XKR4: variants seen among roughly 807,000 people sequenced by gnomAD.
The protein encoded by XKR4 is XK related 4, also known as XK-related protein 4.
XKR4 carries 12 observed loss-of-function variants against 53.9 expected under a neutral mutation model. The ratio of observed to expected loss-of-function variants is 0.22; its 90% CI spans 0.14 to 0.36. The LOEUF is 0.36. Ranked by LOEUF, XKR4 falls within the 10% of genes least tolerant of loss-of-function variation. XKR4 has a pLI of 1.00. For missense variants in XKR4, 799 were observed against 859.5 expected (o/e 0.93, Z 0.88); for synonymous variants, 354 against 362.4 (o/e 0.98, Z 0.26).
At chr8:55,345,834 G>A (rs940202015) in intron 1 of XKR4, among the ~76,000 whole-genome samples, 1 of 152,098 alleles carries the variant, frequency 6.6e-6, no homozygotes, top group Non-Finnish European at 1.5e-5. Context: ...GTACTCTCAG[G>A]GTGGAAGACA....
chr8:55,236,712 A>G (rs1489612360), intron 1 of XKR4, among the ~76,000 whole-genome samples: 1 of 152,130 alleles, frequency 6.6e-6, no homozygotes, highest in Non-Finnish European at 1.5e-5. Context: ...TTCCTGAGCA[A>G]CAGGCCCTTT....
At chr8:55,214,048 GAC>G (rs1303803567) in intron 1 of XKR4, among the ~76,000 whole-genome samples, 3 of 151,878 alleles carry the variant, frequency 2.0e-5, no homozygotes, top group African/African-American at 7.2e-5. Context: ...TTTCAGTAGA[GAC>G]AGGGTTTCAC....
intron 1 of XKR4, among the ~76,000 whole-genome samples, chr8:55,355,385 T>A (rs151280938): frequency 1.9e-3 from 286 of 152,124 alleles, no homozygotes; most frequent in African/African-American, 6.5e-3. Context: ...AAAGCAGATA[T>A]AGCATATATA....
intron 1 of XKR4, among the ~76,000 whole-genome samples, chr8:55,254,151 C>A (rs750333550): frequency 6.6e-6 from 1 of 151,854 alleles, no homozygotes; most frequent in Non-Finnish European, 1.5e-5. Context: ...TTTAATCGAG[C>A]CTTTCTTCTT....
chr8:55,233,408 T>C (rs1818072957), intron 1 of XKR4, among the ~76,000 whole-genome samples: 1 of 151,426 alleles, frequency 6.6e-6, no homozygotes, highest in Admixed American at 6.6e-5. Context: ...TTAAACCAGG[T>C]CAAAGTTATG....
At chr8:55,272,323 TAAGTA>T (rs1400088332) in intron 1 of XKR4, among the ~76,000 whole-genome samples, 1 of 152,146 alleles carries the variant, frequency 6.6e-6, no homozygotes, top group Admixed American at 6.5e-5. Flanking sequence ...AATTGGATAA[TAAGTA>T]AAGTTTAGAA....
At chr8:55,462,689 A>G (rs1805681569) in intron 2 of XKR4, among the ~76,000 whole-genome samples, 2 of 152,244 alleles carry the variant, frequency 1.3e-5, no homozygotes, top group African/African-American at 4.8e-5. Context: ...CAAATTGGGT[A>G]AAGAGTCAAG....
intron 1 of XKR4, among the ~76,000 whole-genome samples, chr8:55,137,020 C>G (rs1370911154): frequency 6.6e-6 from 1 of 152,168 alleles, no homozygotes; most frequent in Non-Finnish European, 1.5e-5. Context: ...GAATATATGG[C>G]CTTAACTCCA....
At chr8:55,400,448 C>T (rs1486866135) in intron 2 of XKR4, among the ~76,000 whole-genome samples, 2 of 152,176 alleles carry the variant, frequency 1.3e-5, no homozygotes, top group African/African-American at 4.8e-5. Flanking sequence ...AATCGTTAGA[C>T]CATATGGAGA....
intron 2 of XKR4, among the ~76,000 whole-genome samples, chr8:55,514,974 G>T (rs942070648): frequency 2.6e-5 from 4 of 152,152 alleles, no homozygotes; most frequent in Non-Finnish European, 4.4e-5. Context: ...ATTTTATAAT[G>T]GAATGGAGCT....
chr8:55,442,949 A>T (rs1394562445), intron 2 of XKR4, among the ~76,000 whole-genome samples: 1 of 152,220 alleles, frequency 6.6e-6, no homozygotes, highest in Non-Finnish European at 1.5e-5. Context: ...TATATAAAAT[A>T]TATCTCAATT....
At chr8:55,181,659 A>C (rs1291415154) in intron 1 of XKR4, among the ~76,000 whole-genome samples, 1 of 152,172 alleles carries the variant, frequency 6.6e-6, no homozygotes, top group Non-Finnish European at 1.5e-5. Flanking sequence ...CCCTGCAGGC[A>C]GGAGATGATG....
intron 2 of XKR4, among the ~76,000 whole-genome samples, chr8:55,503,193 G>A (rs757373920): frequency 4.0e-5 from 6 of 151,724 alleles, no homozygotes; most frequent in Non-Finnish European, 7.4e-5. Context: ...GATTCCATAC[G>A]AATTTTAGGA....
Position 55,524,258 on chromosome 8 carries a change from C to T in XKR4, c.*31C>T. The T allele has an allele frequency of 6.3e-7, 1 of 1,583,456 alleles. No individual in the cohort carries two copies. Among genetic ancestry groups the T allele is most frequent in the Non-Finnish European group, 8.6e-7 (1 of 1,161,206 alleles). ...AAGGAGTTGCAGGACCCACAACATCCAGATGAAGGGGTGACAGCAGGGCTG... is the reference window on the plus strand; with the variant it reads ...AAGGAGTTGCAGGACCCACAACATCTAGATGAAGGGGTGACAGCAGGGCTG... On this transcript the variant is annotated 3_prime_UTR_variant, in exon 3 of 3. Coordinates refer to ENST00000327381, the MANE Select transcript of XKR4 (RefSeq NM_052898.2).
chr8:55,266,748 A>G (rs1325004791), intron 1 of XKR4, among the ~76,000 whole-genome samples: 1 of 152,210 alleles, frequency 6.6e-6, no homozygotes, highest in Non-Finnish European at 1.5e-5. Flanking sequence ...GAACCAGAAC[A>G]GCCCTCTATT....
In XKR4 at chr8:55,404,271, A is replaced by G. The variant is rs186760271; in HGVS notation, c.1006+46394A>G. ...TAGGTAGATAGATGACAGATGACAG[A>G]TAGATAGGTAGATAATAGATAAGGT... On this transcript the variant is annotated intron_variant, in intron 2 of 2. Coordinates refer to ENST00000327381, the MANE Select transcript of XKR4 (RefSeq NM_052898.2). Among the ~76,000 whole-genome samples the G allele has an allele frequency of 4.8e-3, 694 of 144,568 alleles. 4 individuals carry two copies. Among genetic ancestry groups the G allele is most frequent in the Middle Eastern group, 0.025 (7 of 276 alleles). 94.8% of individuals were successfully genotyped at this position (144,568 alleles called of 152,430 possible). A position where few individuals can be genotyped will look rare whatever the true frequency, so the allele number is the denominator to read the frequency against.
chr8:55,508,626 G>A (rs1806579608), intron 2 of XKR4, among the ~76,000 whole-genome samples: 1 of 152,190 alleles, frequency 6.6e-6, no homozygotes, highest in East Asian at 1.9e-4. Context: ...GAAGGATGAT[G>A]GAGACTAGAC....
intron 1 of XKR4, among the ~76,000 whole-genome samples, chr8:55,354,259 T>G (rs1402795644): frequency 2.0e-5 from 3 of 152,150 alleles, no homozygotes; most frequent in Admixed American, 2.0e-4. Context: ...GTGTTCTCAA[T>G]GATCCAATGC....
chr8:55,201,075 T>C (rs1370964886), intron 1 of XKR4, among the ~76,000 whole-genome samples: 1 of 152,228 alleles, frequency 6.6e-6, no homozygotes, highest in Non-Finnish European at 1.5e-5. Context: ...TGTTGTTTTT[T>C]TAAGGATATG....
Sources: allele counts gnomAD v4.1 joint callset (sites outside exome capture counted in the v4.1 genomes callset), GRCh38; gene constraint gnomAD v4.1.1; transcripts MANE v1.5; gene names NCBI Gene and HGNC (gene_info 2026-07-23, HGNC 2026-07-21).